Variants in TRARG1 observed in about 807,000 individuals in gnomAD.
The protein encoded by TRARG1 is trafficking regulator of GLUT4 (SLC2A4) 1 (gene/pseudogene).
TRARG1 carries 16 observed loss-of-function variants against 13.3 expected under a neutral mutation model. The observed-to-expected ratio is 1.20, with a 90% CI of 0.81 to 1.83. The LOEUF is 1.83. Among genes scored for constraint, TRARG1 ranks in the 40% most tolerant of loss-of-function variants. The pLI is 0.00. For synonymous variants in TRARG1, 113 were observed against 106.2 expected (o/e 1.06, Z -0.39); for missense variants, 250 against 237.4 (o/e 1.05, Z -0.35).
intron 1 of TRARG1, among the ~76,000 whole-genome samples, chr17:1,290,940 T>C (rs996042133): frequency 1.8e-4 from 27 of 150,634 alleles, no homozygotes; most frequent in African/African-American, 6.6e-4. Flanking sequence ...AGTTTCGTTG[T>C]TGTGGCCCAG....
chr17:1,299,443 G>A lies in TRARG1; in HGVS notation c.*1179G>A, dbSNP rs888002987. 1.3e-5 allele frequency: 2 copies of A among 152,242 alleles called. No homozygotes were observed. The highest frequency in any genetic ancestry group is 6.5e-5 in the Admixed American group (1 of 15,284). 9.4% of individuals were successfully genotyped at this position (152,242 alleles called of 1,614,324 possible). On this transcript the variant is annotated 3_prime_UTR_variant, in exon 3 of 3. Transcript: ENST00000333813. ...CAGCTGAAGGACCCCGTCTGCAGGA[G>A]AGTCGGGGGACCAGGTTTGGGAATA...
intron 1 of TRARG1, among the ~76,000 whole-genome samples, chr17:1,290,032 G>C (rs547224255): frequency 3.3e-5 from 5 of 152,130 alleles, no homozygotes; most frequent in Admixed American, 2.0e-4. Flanking sequence ...TTCAAGTCCT[G>C]TTCCTCCCCC....
At chr17:1,292,398 C>T (rs949362390) in intron 1 of TRARG1, among the ~76,000 whole-genome samples, 16 of 152,212 alleles carry the variant, frequency 1.1e-4, no homozygotes, top group African/African-American at 3.1e-4. Flanking sequence ...TCCTATCATT[C>T]GGGACTCACG....
At chr17:1,287,982 C>A (rs1411280488) in intron 1 of TRARG1, among the ~76,000 whole-genome samples, 1 of 151,884 alleles carries the variant, frequency 6.6e-6, no homozygotes, top group Non-Finnish European at 1.5e-5. Flanking sequence ...AACAAGAGTG[C>A]CCTCCCCACT....
Position 1,293,519 on chromosome 17 carries a change from C to T in TRARG1, c.388-1972C>T, listed in dbSNP as rs1467241248. On this transcript the variant is annotated intron_variant, in intron 1 of 2. Transcript: ENST00000333813. Reference sequence around the variant, plus strand: ...TGTCGTGGGTTGTGCTTGATGATGTCGCAGGTTGGGTTTGATGATGTCACG... The same window carrying T: ...TGTCGTGGGTTGTGCTTGATGATGTTGCAGGTTGGGTTTGATGATGTCACG... 5.4e-5 allele frequency among the ~76,000 whole-genome samples: 8 copies of T among 147,166 alleles called. No homozygotes were observed. In the East Asian group the frequency reaches 6.0e-4, roughly 11 times the overall value.
At position 1,296,334 on chromosome 17, in the gene TRARG1, T is replaced by C. The variant is rs546357719; in HGVS notation, c.520+711T>C. Among the ~76,000 whole-genome samples, 10 of 151,696 alleles carry C rather than the reference T, an allele frequency of 6.6e-5. No individual in the cohort carries two copies. In the South Asian group the frequency reaches 1.9e-3, roughly 28 times the overall value. On this transcript the variant is annotated intron_variant, in intron 2 of 2. Coordinates refer to ENST00000333813, the MANE Select transcript of TRARG1 (RefSeq NM_172367.3). ...GCCTCAGCCTCCTGAGTAGCTGGGA[T>C]TACAGGCACCAGCCACCACGCCCGA...
intron 2 of TRARG1, among the ~76,000 whole-genome samples, 153 bp downstream of exon 2, chr17:1,295,776 C>T (rs549207041): frequency 6.6e-6 from 1 of 152,320 alleles, no homozygotes; most frequent in African/African-American, 2.4e-5. Context: ...CCATAAAGTG[C>T]CCCAGTTCCC....
chr17:1,293,409 C>T (rs569497936), intron 1 of TRARG1, among the ~76,000 whole-genome samples: 5 of 151,638 alleles, frequency 3.3e-5, no homozygotes, highest in Admixed American at 6.6e-5. Flanking sequence ...AGGTACAAGG[C>T]GTGGGTTGGG....
intron 1 of TRARG1, among the ~76,000 whole-genome samples, chr17:1,287,608 G>A (rs1010210297): frequency 1.3e-5 from 2 of 151,660 alleles, no homozygotes; most frequent in African/African-American, 2.4e-5. Flanking sequence ...TGATCCACCT[G>A]CCTCAGCCTC....
chr17:1,281,984 A>G (rs1478523990), intron 1 of TRARG1, among the ~76,000 whole-genome samples: 1 of 151,698 alleles, frequency 6.6e-6, no homozygotes, highest in Admixed American at 6.6e-5. Context: ...GTGTACATAT[A>G]TGTACATATA....
At chr17:1,294,693 T>C (rs893508613) in intron 1 of TRARG1, among the ~76,000 whole-genome samples, 1 of 97,424 alleles carries the variant, frequency 1.0e-5, no homozygotes, top group Admixed American at 1.2e-4. Context: ...CTCAAACTCT[T>C]TTTTTTTTTT....
intron 1 of TRARG1, among the ~76,000 whole-genome samples, chr17:1,293,556 A>G (rs113410044): frequency 2.7e-5 from 2 of 74,136 alleles, no homozygotes; most frequent in Admixed American, 2.8e-4. Context: ...GTTGAGTTTG[A>G]TGATGTCGTG....
chr17:1,284,521 G>A (rs1187918505), intron 1 of TRARG1, among the ~76,000 whole-genome samples: 1 of 152,186 alleles, frequency 6.6e-6, no homozygotes, highest in South Asian at 2.1e-4. Flanking sequence ...CCAGGACCAG[G>A]GCCAGGGACA....
chr17:1,280,025 G>C lies in TRARG1; in HGVS notation c.24G>C (p.Glu8Asp). Residue 8 changes from glutamate (E) to aspartate (D), a missense_variant, in exon 1 of 3, where the codon GAG becomes GAC. Physicochemically the swap from Glu to Asp is conservative, Grantham distance 45. Coordinates refer to ENST00000333813, the MANE Select transcript of TRARG1 (RefSeq NM_172367.3). Reference protein sequence around the residue: MAHPVQSEFPSAQEPGSA... With the variant: MAHPVQSDFPSAQEPGSA... ...CCATGGCCCACCCGGTGCAGTCCGA[G>C]TTTCCTTCAGCACAGGAGCCAGGCT... 1 of 1,612,916 alleles carries C rather than the reference G, an allele frequency of 6.2e-7. No homozygotes were observed. Among genetic ancestry groups the C allele is most frequent in the Non-Finnish European group, 8.5e-7 (1 of 1,179,792 alleles).
chr17:1,298,135 C>G (rs927205121), intron 2 of TRARG1, 116 bp from the exon 3 acceptor site: 2 of 1,283,938 alleles, frequency 1.6e-6, no homozygotes, highest in African/African-American at 1.5e-5. Context: ...AGCCTTCTCC[C>G]CTTATCCCTA....
rs140058786 is a variant in TRARG1 at position 1,281,901 on chromosome 17, T to C, written c.387+1513T>C. Among the ~76,000 whole-genome samples, 1,262 of 152,152 alleles carry C rather than the reference T, an allele frequency of 8.3e-3. 17 individuals are homozygous for C. The highest frequency in any genetic ancestry group is 0.029 in the African/African-American group (1,194 of 41,480). ...CCCAAGGCAATGAGACCACAGAACC[T>C]GCCCCAGTGAGTTTCTATATATACA... On this transcript the variant is annotated intron_variant, in intron 1 of 2. Transcript: ENST00000333813.
chr17:1,285,561 C>T (rs1319230607), intron 1 of TRARG1, among the ~76,000 whole-genome samples: 2 of 152,086 alleles, frequency 1.3e-5, no homozygotes, highest in South Asian at 2.1e-4. Context: ...AAAAATTAGC[C>T]GGGCGTGGTG....
At position 1,298,470 on chromosome 17, in the gene TRARG1, C is replaced by G. The variant is rs1010363264; in HGVS notation, c.*206C>G. The stretch of plus-strand genomic sequence containing the variant: ...CCTGGAGCGAGGAAGGAAAGCACAG[C>G]GAACCCAATGGGTAACGTGGTTTAC... On this transcript the variant is annotated 3_prime_UTR_variant, in exon 3 of 3. Coordinates refer to ENST00000333813, the MANE Select transcript of TRARG1 (RefSeq NM_172367.3). 1 of 536,632 alleles carries G rather than the reference C, an allele frequency of 1.9e-6. No homozygotes were observed. The highest frequency in any genetic ancestry group is 3.3e-6 in the Non-Finnish European group (1 of 305,194). The allele number at this position is 536,632 out of a possible 1,614,324, so 33.2% of individuals were successfully genotyped here.
rs951822769 is a variant in TRARG1, at chr17:1,300,572, T to C, written c.*2308T>C. 2.0e-5 allele frequency: 3 copies of C among 152,470 alleles called. No homozygotes were observed. Among genetic ancestry groups the C allele is most frequent in the African/African-American group, 7.2e-5 (3 of 41,444 alleles). 9.4% of individuals were successfully genotyped at this position (152,470 alleles called of 1,614,324 possible). A position where few individuals can be genotyped will look rare whatever the true frequency, so the allele number is the denominator to read the frequency against. On this transcript the variant is annotated 3_prime_UTR_variant, in exon 3 of 3. Coordinates refer to ENST00000333813, the MANE Select transcript of TRARG1 (RefSeq NM_172367.3). ...GGGCACAGCACAGCCAGGGCGCTCT[T>C]CCAGGCAGGCGAGGATAACTTGAGA...
Sources: gnomAD v4.1 joint callset for allele counts (sites outside exome capture counted in the v4.1 genomes callset) on GRCh38, gnomAD v4.1.1 for gene constraint, MANE v1.5 for transcripts, NCBI Gene and HGNC (gene_info 2026-07-23, HGNC 2026-07-21) for gene names.